The following KIAA1958 variants were observed in gnomAD, a reference collection of about 807,000 sequenced individuals.
The protein encoded by KIAA1958 is KIAA1958.
A neutral mutation model predicts 47.2 loss-of-function variants in KIAA1958; 14 were observed. That is an observed-to-expected ratio of 0.30 (90% CI 0.20 to 0.46). The LOEUF (loss-of-function observed/expected upper bound fraction) is 0.46. KIAA1958 is among the 20% of genes least tolerant of loss of function. The pLI is 1.00. For synonymous variants in KIAA1958, 354 were observed against 353.3 expected (o/e 1.00, Z -0.02); for missense variants, 803 against 909.2 (o/e 0.88, Z 1.50).
At chr9:112,539,144 G>T (rs1000623307) in intron 1 of KIAA1958, among the ~76,000 whole-genome samples, 16 of 152,218 alleles carry the variant, frequency 1.1e-4, no homozygotes, top group Non-Finnish European at 2.4e-4. Flanking sequence ...AGCATTTCCT[G>T]AAATGGTTAA....
intron 1 of KIAA1958, among the ~76,000 whole-genome samples, chr9:112,567,892 A>G (rs903642186): frequency 6.2e-5 from 8 of 129,774 alleles, no homozygotes; most frequent in Non-Finnish European, 1.1e-4. Flanking sequence ...TGTGAGGCGG[A>G]GGTTGCAGTG....
At chr9:112,502,576 G>A (rs969948033) in intron 1 of KIAA1958, among the ~76,000 whole-genome samples, 3 of 152,136 alleles carry the variant, frequency 2.0e-5, no homozygotes, top group Non-Finnish European at 4.4e-5. Context: ...GAAAAGCAAT[G>A]TGTCAATATA....
chr9:112,542,691 C>G (rs1588009976), intron 1 of KIAA1958, among the ~76,000 whole-genome samples: 1 of 152,196 alleles, frequency 6.6e-6, no homozygotes, highest in Non-Finnish European at 1.5e-5. Flanking sequence ...TTAGAGCCCT[C>G]TCTCTCTGCA....
chr9:112,615,435 AAG>A (rs1836394386), intron 2 of KIAA1958, among the ~76,000 whole-genome samples: 1 of 151,736 alleles, frequency 6.6e-6, no homozygotes, highest in Non-Finnish European at 1.5e-5. Flanking sequence ...AAAAAAAAAA[AAG>A]AGGAGCAACT....
intron 2 of KIAA1958, among the ~76,000 whole-genome samples, chr9:112,583,270 G>A (rs1835764363): frequency 6.6e-6 from 1 of 152,158 alleles, no homozygotes; most frequent in Admixed American, 6.5e-5. Flanking sequence ...GCACAGAGAT[G>A]CAAATTAAAA....
chr9:112,599,989 C>T (rs1053090777), intron 2 of KIAA1958, among the ~76,000 whole-genome samples: 2 of 152,182 alleles, frequency 1.3e-5, no homozygotes, highest in Non-Finnish European at 2.9e-5. Context: ...ACATTAATTA[C>T]AGTCCTGTGG....
chr9:112,652,036 T>G (rs1837062994), intron 3 of KIAA1958, among the ~76,000 whole-genome samples: 1 of 152,172 alleles, frequency 6.6e-6, no homozygotes, highest in Admixed American at 6.5e-5. Flanking sequence ...CTGGCTAATT[T>G]TTAAATTTTT....
intron 1 of KIAA1958, among the ~76,000 whole-genome samples, chr9:112,530,479 G>A (rs1327950114): frequency 6.6e-6 from 1 of 152,042 alleles, no homozygotes; most frequent in Non-Finnish European, 1.5e-5. Flanking sequence ...AAAATACTTT[G>A]ATGTGCTTAT....
At chr9:112,596,084 C>T (rs1483887344) in intron 2 of KIAA1958, among the ~76,000 whole-genome samples, 2 of 151,858 alleles carry the variant, frequency 1.3e-5, no homozygotes, top group African/African-American at 4.8e-5. Flanking sequence ...CGCACCCAGC[C>T]GAAAACATTT....
chr9:112,635,921 AATTT>A (rs1245919489), intron 2 of KIAA1958, among the ~76,000 whole-genome samples: 1 of 151,386 alleles, frequency 6.6e-6, no homozygotes, highest in Non-Finnish European at 1.5e-5. Flanking sequence ...TGTTCTTCTA[AATTT>A]CTTGGTACAG....
At chr9:112,492,690 T>C (rs143713890) in intron 1 of KIAA1958, among the ~76,000 whole-genome samples, 22 of 152,304 alleles carry the variant, frequency 1.4e-4, no homozygotes, top group African/African-American at 4.8e-4. Context: ...GCTTTTTGTT[T>C]TTCACTCTTC....
intron 1 of KIAA1958, among the ~76,000 whole-genome samples, chr9:112,551,921 A>T (rs1481998207): frequency 1.3e-5 from 2 of 152,244 alleles, no homozygotes; most frequent in Non-Finnish European, 1.5e-5. Flanking sequence ...ACTTGTTCAA[A>T]TCCTGCATCT....
At chr9:112,589,439 A>C (rs1421564093) in intron 2 of KIAA1958, among the ~76,000 whole-genome samples, 2 of 152,186 alleles carry the variant, frequency 1.3e-5, no homozygotes, top group African/African-American at 2.4e-5. Flanking sequence ...TCTAGAGTAC[A>C]AAATTAGCTG....
chr9:112,576,889 CT>C (rs1412348893), intron 2 of KIAA1958, among the ~76,000 whole-genome samples: 1 of 151,944 alleles, frequency 6.6e-6, no homozygotes, highest in African/African-American at 2.4e-5. Context: ...CCTGTGGTAA[CT>C]TTGTATTTAA....
At chr9:112,562,880 G>A (rs958839472) in intron 1 of KIAA1958, among the ~76,000 whole-genome samples, 1 of 149,212 alleles carries the variant, frequency 6.7e-6, no homozygotes, top group African/African-American at 2.5e-5. Context: ...CATCTAGGCT[G>A]TTCTCAAACT....
At position 112,662,412 on chromosome 9, in the gene KIAA1958, G is replaced by A. The variant is rs1837291416; in HGVS notation, c.*2343G>A. 6.6e-6 allele frequency: 1 copy of A among 152,150 alleles called. No homozygotes were observed. The highest frequency in any genetic ancestry group is 2.4e-5 in the African/African-American group (1 of 41,422). 9.4% of individuals were successfully genotyped at this position (152,150 alleles called of 1,614,324 possible). ...CTTTATTATGCATTTATGTATATGT[G>A]TGTGTGTCTGTGTATACACACAAAC... On this transcript the variant is annotated 3_prime_UTR_variant, in exon 4 of 4. Transcript: ENST00000337530.
chr9:112,618,788 C>T lies in KIAA1958; in HGVS notation c.1172-26862C>T, dbSNP rs1382572869. ...GAGCTGCAGCACCTTGTCTGAGGCC[C>T]AGAGCAACCAGCTCGTGCTGATCTG... On this transcript the variant is annotated intron_variant, in intron 2 of 3. Transcript: ENST00000337530. The surrounding 1 kb of genome is among the most constrained non-coding windows in gnomAD (Gnocchi z 7.1). 1 of 1,550,652 alleles carries T rather than the reference C, an allele frequency of 6.4e-7. No homozygotes were observed. The highest frequency in any genetic ancestry group is 1.2e-5 in the South Asian group (1 of 84,064).
At chr9:112,599,969 A>G (rs2131198830) in intron 2 of KIAA1958, among the ~76,000 whole-genome samples, 1 of 152,326 alleles carries the variant, frequency 6.6e-6, no homozygotes, top group Non-Finnish European at 1.5e-5. Flanking sequence ...AGTCCACAGC[A>G]TGATTTATTA....
chr9:112,586,293 A>G (rs1011428282), intron 2 of KIAA1958, among the ~76,000 whole-genome samples: 2 of 152,194 alleles, frequency 1.3e-5, no homozygotes, highest in Admixed American at 6.5e-5. Flanking sequence ...CCATGTCATA[A>G]TTTATTCGAA....
Sources: gnomAD v4.1 joint callset for allele counts (sites outside exome capture counted in the v4.1 genomes callset) on GRCh38, gnomAD v4.1.1 for gene constraint, Gnocchi (gnomAD v3.1) non-coding constraint, MANE v1.5 for transcripts, NCBI Gene and HGNC (gene_info 2026-07-23, HGNC 2026-07-21) for gene names.